Variants in FMN2 observed in about 807,000 individuals in gnomAD.
The protein encoded by FMN2 is formin 2.
A neutral mutation model predicts 142.3 loss-of-function variants in FMN2; 51 were observed. That is an observed-to-expected ratio of 0.36 (90% CI 0.29 to 0.45). The LOEUF is 0.45. Among genes scored for constraint, FMN2 ranks in the 20% least tolerant of loss-of-function variants. FMN2 has a pLI of 1.00. For synonymous variants in FMN2, 882 were observed against 869.8 expected (o/e 1.01, Z -0.25); for missense variants, 1,936 against 2,122.8 (o/e 0.91, Z 1.73).
chr1:240,362,712 A>T (rs12737529), intron 14 of FMN2, among the ~76,000 whole-genome samples: 1 of 151,952 alleles, frequency 6.6e-6, no homozygotes, highest in Non-Finnish European at 1.5e-5. Flanking sequence ...CCTTAGTCAT[A>T]TGGTACATTT....
chr1:240,197,111 C>A (rs549098614), intron 4 of FMN2, among the ~76,000 whole-genome samples: 1 of 152,182 alleles, frequency 6.6e-6, no homozygotes, highest in South Asian at 2.1e-4. Context: ...TTCTGCCCCA[C>A]CCCCCAGCCT....
intron 2 of FMN2, among the ~76,000 whole-genome samples, chr1:240,164,841 A>G (rs999840764): frequency 6.6e-6 from 1 of 152,018 alleles, no homozygotes; most frequent in Admixed American, 6.6e-5. Context: ...ACTTTCTTTC[A>G]TTTTATGTTT....
At chr1:240,311,431 G>A (rs975855796) in intron 8 of FMN2, among the ~76,000 whole-genome samples, 1 of 152,012 alleles carries the variant, frequency 6.6e-6, no homozygotes, top group Non-Finnish European at 1.5e-5. Flanking sequence ...TCCCCACATA[G>A]CTGTTTTAAA....
chr1:240,306,571 A>G (rs1361810986), intron 8 of FMN2, among the ~76,000 whole-genome samples: 1 of 152,206 alleles, frequency 6.6e-6, no homozygotes, highest in Admixed American at 6.5e-5. Context: ...TTCTGCAAAG[A>G]ACATGACTTC....
chr1:240,243,976 A>G lies in FMN2; in HGVS notation c.4066-13969A>G, dbSNP rs183738767. On this transcript the variant is annotated intron_variant, in intron 6 of 17. Transcript: ENST00000319653. ...TTGATAGCTCTTATTCCTTGAATAC[A>G]TTGCATACCTCTGGATATACCACCT... Among the ~76,000 whole-genome samples, 52 of 152,324 alleles carry G rather than the reference A, an allele frequency of 3.4e-4. No individual in the cohort carries two copies. The East Asian group carries it at 9.6e-3, about 28-fold the overall frequency.
intron 2 of FMN2, among the ~76,000 whole-genome samples, chr1:240,125,688 A>G (rs1384617787): frequency 6.6e-6 from 1 of 152,206 alleles, no homozygotes; most frequent in African/African-American, 2.4e-5. Flanking sequence ...GAATTGGATA[A>G]ACAGAAAAGA....
intron 14 of FMN2, among the ~76,000 whole-genome samples, chr1:240,364,090 T>C (rs1464970043): frequency 6.6e-6 from 1 of 152,184 alleles, no homozygotes; most frequent in Non-Finnish European, 1.5e-5. Context: ...AATTTTACTT[T>C]CGTGACTCTT....
rs1666447241 is a variant in FMN2 at position 240,207,670 on chromosome 1, T to G, written c.2858T>G (p.Ile953Arg). 1 of 1,407,696 alleles carries G rather than the reference T, an allele frequency of 7.1e-7. No homozygotes were observed. 87.2% of individuals were successfully genotyped at this position (1,407,696 alleles called of 1,614,324 possible). The change falls in exon 5 of 18, where the codon ATA becomes AGA. Residue 953 changes from isoleucine (I) to arginine (R), a missense_variant. Ile to Arg is a moderately conservative substitution (Grantham distance 97). Transcript: ENST00000319653. ...CCGCCCCCTCTACCCGGAGCGGCAATACCCCCTCCGCCCCCTCTTCCCGGG... is the reference window on the plus strand; with the variant it reads ...CCGCCCCCTCTACCCGGAGCGGCAAGACCCCCTCCGCCCCCTCTTCCCGGG... ...PPPPPLPGAA[I>R]PPPPPLPGAG... is the part of the protein sequence containing the mutation.
Position 240,455,546 on chromosome 1 carries a change from T to C in FMN2, c.5061-16826T>C, listed in dbSNP as rs545941322. 2.6e-4 allele frequency among the ~76,000 whole-genome samples: 40 copies of C among 152,220 alleles called. No individual in the cohort carries two copies. In the South Asian group the frequency reaches 8.3e-3, roughly 32 times the overall value. ...ATTAGTACCATTGGTGCTTTAGAAA[T>C]TACTGCTATTACTACCAGCTACTTA... On this transcript the variant is annotated intron_variant, in intron 16 of 17. Transcript: ENST00000319653.
intron 8 of FMN2, among the ~76,000 whole-genome samples, chr1:240,310,946 T>G (rs1257748068): frequency 2.0e-5 from 3 of 152,154 alleles, no homozygotes; most frequent in African/African-American, 7.2e-5. Context: ...ACAAAAAATC[T>G]TAAGTATTCA....
chr1:240,378,584 T>TA (rs1673125024), intron 14 of FMN2, among the ~76,000 whole-genome samples: 1 of 152,242 alleles, frequency 6.6e-6, no homozygotes, highest in Admixed American at 6.5e-5. Context: ...GTTCTGGGAC[T>TA]AAAATGATAC....
intron 15 of FMN2, among the ~76,000 whole-genome samples, chr1:240,397,762 C>T (rs1673829492): frequency 7.5e-6 from 1 of 132,668 alleles, no homozygotes; most frequent in Non-Finnish European, 1.5e-5. Flanking sequence ...TGCACTCCAG[C>T]CCAGGCAACA....
chr1:240,151,978 G>A (rs947231807), intron 2 of FMN2, among the ~76,000 whole-genome samples: 12 of 151,894 alleles, frequency 7.9e-5, no homozygotes, highest in African/African-American at 2.9e-4. Context: ...TGTTGCCCAG[G>A]CTGCTCTCGA....
At chr1:240,383,825 A>G (rs982368184) in intron 14 of FMN2, among the ~76,000 whole-genome samples, 30 of 152,054 alleles carry the variant, frequency 2.0e-4, no homozygotes, top group Non-Finnish European at 4.1e-4. Context: ...TCAGTGGCAA[A>G]GTCATGGAAT....
intron 4 of FMN2, among the ~76,000 whole-genome samples, chr1:240,198,558 C>T (rs1666008949): frequency 6.6e-6 from 1 of 152,130 alleles, no homozygotes; most frequent in Non-Finnish European, 1.5e-5. Flanking sequence ...TCTCAGCTCC[C>T]TGTGTGAGGC....
chr1:240,252,869 C>A (rs1375251154), intron 6 of FMN2, among the ~76,000 whole-genome samples: 1 of 150,056 alleles, frequency 6.7e-6, no homozygotes, highest in Non-Finnish European at 1.5e-5. Flanking sequence ...TGATCCCTTT[C>A]ATTTATTCTT....
intron 14 of FMN2, among the ~76,000 whole-genome samples, chr1:240,375,359 AAAAAT>A (rs1673009450): frequency 1.3e-5 from 2 of 152,188 alleles, no homozygotes; most frequent in South Asian, 4.1e-4. Context: ...TCAATATGTA[AAAAAT>A]AAAAAATAAA....
rs374098388 is a variant in FMN2, at chr1:240,374,155, A to G, written c.4858+18247A>G. ...CTCAGCAGTGGGCCTAAAACACTCA[A>G]TAAACCATGCTGTAAGCAGATGTGC... On this transcript the variant is annotated intron_variant, in intron 14 of 17. Coordinates refer to ENST00000319653, the MANE Select transcript of FMN2 (RefSeq NM_020066.5). Among the ~76,000 whole-genome samples the G allele has an allele frequency of 1.1e-3, 171 of 152,310 alleles. 1 individual carries two copies. Among genetic ancestry groups the G allele is most frequent in the African/African-American group, 4.0e-3 (168 of 41,558 alleles).
chr1:240,246,664 G>A (rs1285058654), intron 6 of FMN2, among the ~76,000 whole-genome samples: 1 of 152,072 alleles, frequency 6.6e-6, no homozygotes, highest in Non-Finnish European at 1.5e-5. Context: ...CATTTTAAAG[G>A]ATCCCAGATG....
Sources: allele counts gnomAD v4.1 joint callset (sites outside exome capture counted in the v4.1 genomes callset), GRCh38; gene constraint gnomAD v4.1.1; transcripts MANE v1.5; gene names NCBI Gene and HGNC (gene_info 2026-07-23, HGNC 2026-07-21).